The following SIRPA variants were observed in gnomAD, a reference collection of about 807,000 sequenced individuals.
The protein encoded by SIRPA is signal regulatory protein alpha, also known as tyrosine-protein phosphatase non-receptor type substrate 1.
Under a neutral mutation model 50.3 loss-of-function variants are expected in SIRPA, and 9 were observed. That is an observed-to-expected ratio of 0.18 (90% CI 0.11 to 0.31). The LOEUF is 0.31. Among genes scored for constraint, SIRPA ranks in the 10% least tolerant of loss-of-function variants. The pLI, the probability that SIRPA is intolerant of heterozygous loss-of-function variation, is 1.00. For missense variants in SIRPA, 474 were observed against 661.6 expected (o/e 0.72, Z 3.11); for synonymous variants, 265 against 284.1 (o/e 0.93, Z 0.68).
chr20:1,909,739 G>A (rs186056549), intron 1 of SIRPA, among the ~76,000 whole-genome samples: 137 of 152,296 alleles, frequency 9.0e-4, no homozygotes, highest in African/African-American at 3.2e-3. Context: ...CCGAGATTGT[G>A]CCATTGCACT....
chr20:1,917,093 C>T (rs1385469412), intron 2 of SIRPA, among the ~76,000 whole-genome samples: 2 of 152,154 alleles, frequency 1.3e-5, no homozygotes, highest in Non-Finnish European at 2.9e-5. Flanking sequence ...AGTGCTCACT[C>T]CTCTTTGCCA....
intron 2 of SIRPA, among the ~76,000 whole-genome samples, chr20:1,919,979 T>A (rs562460141): frequency 9.9e-5 from 15 of 152,234 alleles, no homozygotes; most frequent in African/African-American, 2.9e-4. Flanking sequence ...GACCTCCTGA[T>A]AACAGTCACA....
rs1983974345 is a variant in SIRPA at position 1,898,650 on chromosome 20, GGAA to G, written c.79+3129_79+3131del. 6.6e-6 allele frequency among the ~76,000 whole-genome samples: 1 copy of G among 152,024 alleles called. No homozygotes were observed. The highest frequency in any genetic ancestry group is 1.9e-4 in the East Asian group (1 of 5,148). On this transcript the variant is annotated intron_variant, in intron 1 of 7. Coordinates refer to ENST00000358771, the MANE Select transcript of SIRPA (RefSeq NM_001040023.2). This position sits in a 1 kb window ranked among gnomAD's most constrained non-coding sequence, Gnocchi z 4.3. ...GGCCTTCCTGCTGGGTGGCTTCTAGGGAAGAAGCTCAATGACTTAATCAGGATG... is the reference window on the plus strand; with the variant it reads ...GGCCTTCCTGCTGGGTGGCTTCTAGGGAAGCTCAATGACTTAATCAGGATG...
rs566205970 is a variant in SIRPA at position 1,931,750 on chromosome 20, GCTCT to G, written c.1227-2960_1227-2957del. On this transcript the variant is annotated intron_variant, in intron 6 of 7. Coordinates refer to ENST00000358771, the MANE Select transcript of SIRPA (RefSeq NM_001040023.2). ...GGTTGCAGGGCTGGTGGAGGGATTGGCTCTCTCTAACTCCCTGGGTTAGGAATGT... is the reference window on the plus strand; with the variant it reads ...GGTTGCAGGGCTGGTGGAGGGATTGGCTCTAACTCCCTGGGTTAGGAATGT... 1.1e-4 allele frequency among the ~76,000 whole-genome samples: 17 copies of G among 152,226 alleles called. No individual in the cohort carries two copies. In the East Asian group the frequency reaches 3.1e-3, roughly 28 times the overall value.
At chr20:1,921,766 C>G (rs1228422957) in intron 3 of SIRPA, 54 bp downstream of exon 3, 14 of 1,608,518 alleles carry the variant, frequency 8.7e-6, no homozygotes, top group Non-Finnish European at 1.1e-5. Context: ...GCCCACCCCC[C>G]ACCACCCTCC....
At chr20:1,918,745 A>G (rs771394406) in intron 2 of SIRPA, among the ~76,000 whole-genome samples, 1 of 152,008 alleles carries the variant, frequency 6.6e-6, no homozygotes, top group Non-Finnish European at 1.5e-5. Context: ...TGTCTATGAA[A>G]TGATGATGAT....
intron 1 of SIRPA, among the ~76,000 whole-genome samples, chr20:1,913,051 C>G (rs1389201145): frequency 1.3e-5 from 2 of 152,190 alleles, no homozygotes; most frequent in African/African-American, 4.8e-5. Context: ...CTGTTTTTTT[C>G]TCCTGTGCCA....
rs112608975 is a variant in SIRPA at position 1,933,632 on chromosome 20, T to G, written c.1227-1083T>G. ...GCCCCTGCTCCTGGAGGGTTCTTTC[T>G]GTGGCCACGTGGGGCTTGTCATGTC... On this transcript the variant is annotated intron_variant, in intron 6 of 7. Transcript: ENST00000358771. This position sits in a 1 kb window ranked among gnomAD's most constrained non-coding sequence, Gnocchi z 4.4. Among the ~76,000 whole-genome samples, 7,671 of 152,294 alleles carry G rather than the reference T, an allele frequency of 0.05. 238 individuals are homozygous for G. Among genetic ancestry groups the G allele is most frequent in the South Asian group, 0.088 (424 of 4,824 alleles).
In SIRPA at chr20:1,937,869, C is replaced by T. The variant is rs112665073; in HGVS notation, c.*301C>T. 2,910 of 415,564 alleles carry T rather than the reference C, an allele frequency of 7.0e-3. 70 individuals carry two copies. Among genetic ancestry groups the T allele is most frequent in the African/African-American group, 0.053 (2,692 of 50,844 alleles). 25.7% of individuals were successfully genotyped at this position (415,564 alleles called of 1,614,324 possible). On this transcript the variant is annotated 3_prime_UTR_variant, in exon 8 of 8. Transcript: ENST00000358771. The surrounding 1 kb of genome is among the most constrained non-coding windows in gnomAD (Gnocchi z 8.3). ...TGGGGTCCAAGAACTCTTGTGCCTC[C>T]GTCCATCACCATGTGGGTTTTGAAG...
In SIRPA at chr20:1,924,191, G is replaced by A. The variant is rs1348317400; in HGVS notation, c.1088-573G>A. 1.3e-5 allele frequency among the ~76,000 whole-genome samples: 2 copies of A among 152,194 alleles called. No individual in the cohort carries two copies. The highest frequency in any genetic ancestry group is 3.9e-4 in the East Asian group (2 of 5,188). On this transcript the variant is annotated intron_variant, in intron 4 of 7. Transcript: ENST00000358771. The surrounding 1 kb of genome is among the most constrained non-coding windows in gnomAD (Gnocchi z 4.5). ...TGTGGCTTAGAGCCCTGCTTCTGAT[G>A]AACCACTGTGTTCTAGTCTATGACC... is the stretch of plus-strand genomic sequence containing the variant.
chr20:1,911,011 TATC>T (rs749194669), intron 1 of SIRPA, among the ~76,000 whole-genome samples: 255 of 152,342 alleles, frequency 1.7e-3, no homozygotes, highest in Non-Finnish European at 2.9e-3. Flanking sequence ...TAATCTTTAA[TATC>T]ATTGTTTTTT....
chr20:1,896,663 A>G (rs907252481), intron 1 of SIRPA, among the ~76,000 whole-genome samples: 5 of 152,050 alleles, frequency 3.3e-5, no homozygotes, highest in African/African-American at 1.2e-4. Flanking sequence ...GCAGGGAGAA[A>G]GGGAGAACTA....
chr20:1,907,022 G>A (rs1417722477), intron 1 of SIRPA, among the ~76,000 whole-genome samples: 7 of 152,178 alleles, frequency 4.6e-5, no homozygotes, highest in Admixed American at 3.9e-4. Context: ...GCCAAGCACC[G>A]TGCTACAGAC....
At chr20:1,923,365 T>C (rs1985781223) in intron 4 of SIRPA, among the ~76,000 whole-genome samples, 1 of 152,266 alleles carries the variant, frequency 6.6e-6, no homozygotes, top group Admixed American at 6.5e-5. Context: ...GTTATCAATG[T>C]GGCTGATGCC....
upstream of SIRPA, chr20:1,894,885 CG>C (rs975953793): frequency 4.9e-5 from 7 of 143,890 alleles, no homozygotes; most frequent in African/African-American, 1.5e-4. This position sits in a 1 kb window ranked among gnomAD's most constrained non-coding sequence, Gnocchi z 4.0. Flanking sequence ...GTCGGGCTGC[CG>C]GGAGGGCGGG....
chr20:1,906,796 A>T (rs923119088), intron 1 of SIRPA, among the ~76,000 whole-genome samples: 1 of 152,166 alleles, frequency 6.6e-6, no homozygotes, highest in Non-Finnish European at 1.5e-5. Flanking sequence ...AGGTTCAGTC[A>T]GGGTGGTAAG....
intron 1 of SIRPA, among the ~76,000 whole-genome samples, chr20:1,900,536 G>A (rs773779483): frequency 3.0e-4 from 46 of 152,228 alleles, no homozygotes; most frequent in Non-Finnish European, 2.5e-4. Flanking sequence ...CAGGTCTGCA[G>A]TTGTGGATTC....
chr20:1,895,594 C>G, intron 1 of SIRPA, 68 bp downstream of exon 1: 1 of 1,204,604 alleles, frequency 8.3e-7, no homozygotes, highest in Non-Finnish European at 1.1e-6. Context: ...CAGACTGGCA[C>G]TGGGACCCCT....
chr20:1,912,813 A>G (rs1438492023), intron 1 of SIRPA, among the ~76,000 whole-genome samples: 2 of 152,212 alleles, frequency 1.3e-5, no homozygotes, highest in Non-Finnish European at 2.9e-5. Flanking sequence ...GGCCCTAGCA[A>G]CTGTGCTTCC....
Sources: gnomAD v4.1 joint callset for allele counts (sites outside exome capture counted in the v4.1 genomes callset) on GRCh38, gnomAD v4.1.1 for gene constraint, Gnocchi (gnomAD v3.1) non-coding constraint, MANE v1.5 for transcripts, NCBI Gene and HGNC (gene_info 2026-07-23, HGNC 2026-07-21) for gene names.